PCDH9: variants seen among roughly 807,000 people sequenced by gnomAD.
PCDH9 encodes protocadherin 9.
In PCDH9, 24 loss-of-function variants were observed where a neutral mutation model predicts 70.6. That is an observed-to-expected ratio of 0.34 (90% CI 0.25 to 0.48). The LOEUF is 0.48. PCDH9 is among the 20% of genes least tolerant of loss of function. The pLI is 0.99. For synonymous variants in PCDH9, 562 were observed against 558.5 expected, an observed-to-expected ratio of 1.01 and a Z score of -0.09; for missense variants, 1,281 against 1,503.6, an observed-to-expected ratio of 0.85 and a Z score of 2.45.
At chr13:66,582,284 A>T (rs2076903183) in intron 4 of PCDH9, among the ~76,000 whole-genome samples, 1 of 152,146 alleles carries the variant, frequency 6.6e-6, no homozygotes, top group Non-Finnish European at 1.5e-5. Context: ...AATGTTGTTA[A>T]GTCATTTAAG....
In PCDH9 at chr13:66,924,334, T is replaced by A. The variant is rs191911602; in HGVS notation, c.3037-20729A>T. On this transcript the variant is annotated intron_variant, in intron 2 of 4. Coordinates refer to ENST00000377865, the MANE Select transcript of PCDH9 (RefSeq NM_203487.3). ...CTGTTTTGAAAATATTTTAAAATAT[T>A]CCTATTTTAAAGTATTCTTCCTACC... Among the ~76,000 whole-genome samples, 10 of 151,966 alleles carry A rather than the reference T, an allele frequency of 6.6e-5. No individual in the cohort carries two copies. The East Asian group carries it at 1.9e-3, about 29-fold the overall frequency.
intron 4 of PCDH9, among the ~76,000 whole-genome samples, chr13:66,319,218 T>A (rs781766873): frequency 2.6e-5 from 4 of 152,044 alleles, no homozygotes; most frequent in Admixed American, 1.3e-4. Flanking sequence ...AAACTCACTA[T>A]CATGGCAATA....
At chr13:66,461,192 A>T (rs1395272876) in intron 4 of PCDH9, among the ~76,000 whole-genome samples, 5 of 151,860 alleles carry the variant, frequency 3.3e-5, no homozygotes, top group African/African-American at 1.2e-4. Context: ...TGCCTGACTC[A>T]TATACTTCTT....
intron 3 of PCDH9, among the ~76,000 whole-genome samples, chr13:66,631,664 T>G (rs1405103683): frequency 6.6e-6 from 1 of 152,088 alleles, no homozygotes; most frequent in African/African-American, 2.4e-5. Context: ...CTTTGAAAAG[T>G]GTAACAAGAA....
intron 2 of PCDH9, among the ~76,000 whole-genome samples, chr13:67,025,846 T>G (rs2084769656): frequency 6.6e-6 from 1 of 152,142 alleles, no homozygotes; most frequent in Non-Finnish European, 1.5e-5. Context: ...GTTTCTAAAA[T>G]GAAGAAGGGC....
chr13:66,799,378 C>T (rs1361846807), intron 3 of PCDH9, among the ~76,000 whole-genome samples: 1 of 152,058 alleles, frequency 6.6e-6, no homozygotes, highest in African/African-American at 2.4e-5. Context: ...AAAATGGAGA[C>T]TGGGCATGAT....
intron 3 of PCDH9, among the ~76,000 whole-genome samples, chr13:66,723,033 C>G (rs2078962306): frequency 6.6e-6 from 1 of 151,392 alleles, no homozygotes; most frequent in Non-Finnish European, 1.5e-5. Context: ...ATGCAAATTC[C>G]TAATTTCTGC....
At chr13:66,730,988 C>T (rs933380668) in intron 3 of PCDH9, among the ~76,000 whole-genome samples, 3 of 148,608 alleles carry the variant, frequency 2.0e-5, no homozygotes, top group African/African-American at 7.4e-5. Flanking sequence ...CCTCCCAAAA[C>T]ACTGGGATAA....
In PCDH9 at chr13:66,304,648, C is replaced by T; in HGVS notation, c.*7G>A. 1.2e-6 allele frequency: 2 copies of T among 1,610,166 alleles called. No individual in the cohort carries two copies. The highest frequency in any genetic ancestry group is 2.7e-5 in the African/African-American group (2 of 74,870). On this transcript the variant is annotated 3_prime_UTR_variant, in exon 5 of 5. Transcript: ENST00000377865. ...TTTAAAGTTATTAGGTCCCATATAG[C>T]CTTTTCTTAGAGTTGGTGCTCCTTA...
chr13:67,081,320 G>C (rs960272882), intron 2 of PCDH9, among the ~76,000 whole-genome samples: 5 of 152,186 alleles, frequency 3.3e-5, no homozygotes, highest in African/African-American at 1.2e-4. Context: ...TGTAATCCCA[G>C]CACTTTGTGA....
At chr13:66,926,112 A>T (rs377065304) in intron 2 of PCDH9, among the ~76,000 whole-genome samples, 2 of 151,852 alleles carry the variant, frequency 1.3e-5, no homozygotes, top group Admixed American at 1.3e-4. Flanking sequence ...CCTGATTACA[A>T]CTTCTCCTGT....
intron 4 of PCDH9, among the ~76,000 whole-genome samples, chr13:66,454,030 A>C (rs1270863983): frequency 6.6e-6 from 1 of 152,088 alleles, no homozygotes; most frequent in Non-Finnish European, 1.5e-5. Flanking sequence ...AACTAAAAAA[A>C]ATCCCATGAT....
chr13:66,988,744 A>G (rs9540962), intron 2 of PCDH9, among the ~76,000 whole-genome samples: 2 of 151,980 alleles, frequency 1.3e-5, no homozygotes, highest in African/African-American at 2.4e-5. Context: ...TTTATTTTTA[A>G]TGATGAAGAA....
At chr13:66,540,041 T>A (rs903153726) in intron 4 of PCDH9, among the ~76,000 whole-genome samples, 5 of 151,796 alleles carry the variant, frequency 3.3e-5, no homozygotes, top group African/African-American at 4.8e-5. Context: ...AGCTATTTTT[T>A]AATTTTTACT....
At chr13:67,084,001 G>A (rs2086042090) in intron 2 of PCDH9, among the ~76,000 whole-genome samples, 1 of 152,124 alleles carries the variant, frequency 6.6e-6, no homozygotes, top group African/African-American at 2.4e-5. Context: ...ACTCTTAGGG[G>A]ATTTTGGGAC....
At chr13:66,969,930 T>C (rs2083490870) in intron 2 of PCDH9, among the ~76,000 whole-genome samples, 2 of 152,028 alleles carry the variant, frequency 1.3e-5, no homozygotes, top group African/African-American at 4.8e-5. Context: ...AAATCAATCA[T>C]ATTAATAACA....
At chr13:66,813,978 A>G (rs142910586) in intron 3 of PCDH9, among the ~76,000 whole-genome samples, 361 of 152,300 alleles carry the variant, frequency 2.4e-3, no homozygotes, top group Admixed American at 3.5e-3. Context: ...ACAAACTACC[A>G]GCAGCTTAGT....
intron 4 of PCDH9, chr13:66,306,206 C>T (rs961882209): frequency 2.0e-5 from 3 of 151,754 alleles, no homozygotes; most frequent in Non-Finnish European, 4.4e-5. Context: ...CAATTTAAAT[C>T]GCTCAATAAT....
chr13:66,969,442 C>G (rs547108870), intron 2 of PCDH9, among the ~76,000 whole-genome samples: 1 of 152,120 alleles, frequency 6.6e-6, no homozygotes, highest in South Asian at 2.1e-4. Context: ...GAAATCACTA[C>G]AGTCTAGAGC....
Sources: gnomAD v4.1 joint callset for allele counts (sites outside exome capture counted in the v4.1 genomes callset) on GRCh38, gnomAD v4.1.1 for gene constraint, MANE v1.5 for transcripts, NCBI Gene and HGNC (gene_info 2026-07-23, HGNC 2026-07-21) for gene names.